Variants in SUCLG2 observed in about 807,000 individuals in gnomAD.
SUCLG2 encodes the protein succinate--CoA ligase [GDP-forming] subunit beta, mitochondrial.
Under a neutral mutation model 47.9 loss-of-function variants are expected in SUCLG2, and 42 were observed. That is an observed-to-expected ratio of 0.88 (90% confidence interval 0.69 to 1.14). SUCLG2 has a LOEUF of 1.14. SUCLG2 is among the 50% of genes most tolerant of loss of function. The pLI is 0.00. For synonymous variants in SUCLG2, 195 were observed against 197.3 expected, an observed-to-expected ratio of 0.99 and a Z score of 0.10; for missense variants, 571 against 525.9, an observed-to-expected ratio of 1.09 and a Z score of -0.84.
At chr3:67,531,202 AGGAAGACATTTCCTGTTTTTCTTT>A (rs1706394379) in intron 2 of SUCLG2, among the ~76,000 whole-genome samples, 1 of 152,272 alleles carries the variant, frequency 6.6e-6, no homozygotes, top group Non-Finnish European at 1.5e-5. Context: ...AATGGCACAC[AGGAAGACATTTCCTGTTTTTCTTT>A]GGAAGACATC....
intron 9 of SUCLG2, among the ~76,000 whole-genome samples, chr3:67,492,458 T>G: frequency 6.6e-6 from 1 of 152,358 alleles, no homozygotes; most frequent in Middle Eastern, 3.4e-3. Context: ...AGTGCTTTTC[T>G]TTTAAATGTC....
chr3:67,397,008 T>C (rs1200424873), intron 10 of SUCLG2, among the ~76,000 whole-genome samples: 2 of 151,570 alleles, frequency 1.3e-5, no homozygotes, highest in Non-Finnish European at 2.9e-5. Context: ...AATTAGGTAT[T>C]GATGGGACGT....
chr3:67,619,693 T>C (rs1339953437), intron 1 of SUCLG2, among the ~76,000 whole-genome samples: 1 of 152,176 alleles, frequency 6.6e-6, no homozygotes, highest in East Asian at 1.9e-4. Context: ...AAGCAGCATA[T>C]ATTTTAAGGA....
chr3:67,611,744 C>T (rs1478129790), intron 1 of SUCLG2, among the ~76,000 whole-genome samples: 2 of 152,178 alleles, frequency 1.3e-5, no homozygotes, highest in Non-Finnish European at 2.9e-5. Flanking sequence ...CATCAGAACA[C>T]TCGCCATATT....
chr3:67,384,333 C>G (rs752159101), intron 10 of SUCLG2, among the ~76,000 whole-genome samples: 6 of 152,214 alleles, frequency 3.9e-5, no homozygotes, highest in African/African-American at 7.2e-5. Context: ...GGCCTCTTTT[C>G]TACACTAGGG....
chr3:67,463,277 G>C (rs1193598368), intron 9 of SUCLG2, among the ~76,000 whole-genome samples: 2 of 152,156 alleles, frequency 1.3e-5, no homozygotes, highest in Admixed American at 6.5e-5. Flanking sequence ...CTGACACACA[G>C]AGTACCCTCA....
intron 2 of SUCLG2, among the ~76,000 whole-genome samples, chr3:67,539,487 C>T (rs146350356): frequency 0.078 from 11,854 of 152,082 alleles, 549 homozygotes; most frequent in East Asian, 0.17. Context: ...ATTTTAGCAT[C>T]GATGTTCATC....
rs1354883900 is a variant in SUCLG2 at position 67,543,158 on chromosome 3, AACTC to A, written c.227-13976_227-13973del. 2.0e-5 allele frequency among the ~76,000 whole-genome samples: 3 copies of A among 152,374 alleles called. No individual in the cohort carries two copies. In the East Asian group the frequency reaches 5.8e-4, roughly 29 times the overall value. On this transcript the variant is annotated intron_variant, in intron 2 of 10. Transcript: ENST00000307227. ...ATCAAATTAGAACTCAGGAGTAAGA[AACTC>A]ACTCAAAATCACACAACTACATGGA...
At chr3:67,578,367 AAG>A (rs1257029310) in intron 2 of SUCLG2, among the ~76,000 whole-genome samples, 10 of 151,444 alleles carry the variant, frequency 6.6e-5, no homozygotes, top group Non-Finnish European at 1.2e-4. Flanking sequence ...GCAACTAATC[AAG>A]AGTAAGCTGG....
chr3:67,400,912 A>T (rs1213507847), intron 9 of SUCLG2, 61 bp from the exon 10 acceptor site: 3 of 1,605,248 alleles, frequency 1.9e-6, no homozygotes, highest in Non-Finnish European at 2.5e-6. Flanking sequence ...CTCAAAAATA[A>T]CTGGTTAAAT....
At position 67,430,351 on chromosome 3, in the gene SUCLG2, C is replaced by T. The variant is rs576755868; in HGVS notation, c.1063-29500G>A. ...TGAACAACCTGCTCCTGAGTGGCTA[C>T]TGGGTACATAACAAAATGAAGGCAG... is the stretch of plus-strand genomic sequence containing the variant. On this transcript the variant is annotated intron_variant, in intron 9 of 10. Transcript: ENST00000307227. Among the ~76,000 whole-genome samples, 19 of 152,288 alleles carry T rather than the reference C, an allele frequency of 1.2e-4. 1 individual carries two copies. In the South Asian group the frequency reaches 3.3e-3, roughly 27 times the overall value.
chr3:67,645,561 T>C (rs758710041), intron 1 of SUCLG2, among the ~76,000 whole-genome samples: 3 of 152,152 alleles, frequency 2.0e-5, no homozygotes, highest in Non-Finnish European at 2.9e-5. Flanking sequence ...TTTTTTTCCA[T>C]GGTAATTATA....
chr3:67,452,480 T>C (rs1704078960), intron 9 of SUCLG2, among the ~76,000 whole-genome samples: 2 of 152,232 alleles, frequency 1.3e-5, no homozygotes, highest in Non-Finnish European at 1.5e-5. Context: ...TAATGATTAA[T>C]ACTTTTAACA....
chr3:67,480,704 C>G (rs1344670185), intron 9 of SUCLG2, among the ~76,000 whole-genome samples: 5 of 152,216 alleles, frequency 3.3e-5, no homozygotes, highest in Admixed American at 3.3e-4. Context: ...TTCTAACTAG[C>G]TTGAGGGACT....
chr3:67,540,621 T>C (rs1310238760), intron 2 of SUCLG2, among the ~76,000 whole-genome samples: 1 of 152,168 alleles, frequency 6.6e-6, no homozygotes, highest in African/African-American at 2.4e-5. Context: ...TGGGCACAGC[T>C]TCAGCAAACT....
At chr3:67,396,191 T>C (rs374956406) in intron 10 of SUCLG2, among the ~76,000 whole-genome samples, 16 of 151,658 alleles carry the variant, frequency 1.1e-4, no homozygotes, top group East Asian at 9.7e-4. Context: ...CTGAAGGAAA[T>C]AGAGACACAA....
At chr3:67,452,946 C>G (rs932356003) in intron 9 of SUCLG2, among the ~76,000 whole-genome samples, 1 of 152,108 alleles carries the variant, frequency 6.6e-6, no homozygotes, top group Non-Finnish European at 1.5e-5. Context: ...TTTAAAGGAG[C>G]CTCTGGTATT....
At chr3:67,520,888 ATCT>A (rs1559556423) in intron 4 of SUCLG2, among the ~76,000 whole-genome samples, 2 of 152,134 alleles carry the variant, frequency 1.3e-5, no homozygotes. Context: ...TCCCACTTTA[ATCT>A]TCTTTTTTGT....
At chr3:67,392,835 G>C (rs1252850066) in intron 10 of SUCLG2, among the ~76,000 whole-genome samples, 3 of 151,032 alleles carry the variant, frequency 2.0e-5, no homozygotes, top group Admixed American at 2.0e-4. Flanking sequence ...TTTTTTTTGA[G>C]ATGGGGTCTT....
Sources: gnomAD v4.1 joint callset for allele counts (sites outside exome capture counted in the v4.1 genomes callset) on GRCh38, gnomAD v4.1.1 for gene constraint, MANE v1.5 for transcripts, NCBI Gene and HGNC (gene_info 2026-07-23, HGNC 2026-07-21) for gene names.